The following MYT1L variants were observed in gnomAD, a reference collection of about 807,000 sequenced individuals.
The protein encoded by MYT1L is myelin transcription factor 1-like protein.
In MYT1L, 12 loss-of-function variants were observed where a neutral mutation model predicts 126.7. The observed-to-expected ratio is 0.09, with a 90% CI of 0.06 to 0.15. The LOEUF (loss-of-function observed/expected upper bound fraction) is 0.15, where lower values mean the gene tolerates loss of function less well. MYT1L is among the 10% of genes least tolerant of loss of function. MYT1L has a pLI of 1.00. For missense variants in MYT1L, 979 were observed against 1,585.2 expected (o/e 0.62, Z 6.49); for synonymous variants, 541 against 604.2 (o/e 0.90, Z 1.53).
intron 1 of MYT1L, chr2:2,325,960 T>A (rs188987375): frequency 1.3e-5 from 2 of 152,356 alleles, no homozygotes; most frequent in Admixed American, 1.3e-4. Flanking sequence ...AGAGAAGAAC[T>A]GGGAGCTGCA....
At chr2:1,924,290 G>A (rs2053941488) in intron 9 of MYT1L, among the ~76,000 whole-genome samples, 1 of 152,134 alleles carries the variant, frequency 6.6e-6, no homozygotes, top group Non-Finnish European at 1.5e-5. Context: ...ACCATGCTAG[G>A]TCATTGCTTC....
chr2:2,009,592 G>A (rs2063626673), intron 4 of MYT1L, among the ~76,000 whole-genome samples: 2 of 152,172 alleles, frequency 1.3e-5, no homozygotes, highest in African/African-American at 4.8e-5. Flanking sequence ...TTCTAACAGT[G>A]CTTTTGTGTG....
Position 2,293,435 on chromosome 2 carries a change from C to T in MYT1L, c.-520-8932G>A, listed in dbSNP as rs557615166. On this transcript the variant is annotated intron_variant, in intron 1 of 24. Transcript: ENST00000647738. ...CTGACTGTGCTCCTTGAGGACAGAG[C>T]GCCCTTGGTTAGAGGCAGATCTGCA... Among the ~76,000 whole-genome samples, 8 of 152,268 alleles carry T rather than the reference C, an allele frequency of 5.3e-5. No homozygotes were observed. In the South Asian group the frequency reaches 1.2e-3, roughly 24 times the overall value.
chr2:2,121,687 T>C (rs2081038427), intron 3 of MYT1L, among the ~76,000 whole-genome samples: 1 of 150,792 alleles, frequency 6.6e-6, no homozygotes, highest in Non-Finnish European at 1.5e-5. Context: ...GGGTTTCACC[T>C]TGTTGGTCAG....
chr2:2,320,093 A>C (rs955329225), intron 1 of MYT1L, among the ~76,000 whole-genome samples: 1 of 152,130 alleles, frequency 6.6e-6, no homozygotes, highest in Non-Finnish European at 1.5e-5. Context: ...AAAAATAATT[A>C]ATATATGTGC....
chr2:2,262,874 T>C (rs2095012357), intron 2 of MYT1L, among the ~76,000 whole-genome samples: 1 of 112,816 alleles, frequency 8.9e-6, no homozygotes, highest in Non-Finnish European at 1.8e-5. Context: ...GTGATTTATT[T>C]GGAAAGAATT....
chr2:2,152,192 C>T (rs1030156338), intron 3 of MYT1L, among the ~76,000 whole-genome samples: 13 of 152,216 alleles, frequency 8.5e-5, no homozygotes, highest in African/African-American at 2.9e-4. Flanking sequence ...ACACTGTGAC[C>T]GTTGACCTGA....
chr2:2,317,061 C>T (rs1302323935), intron 1 of MYT1L, among the ~76,000 whole-genome samples: 2 of 152,008 alleles, frequency 1.3e-5, no homozygotes, highest in Non-Finnish European at 1.5e-5. Flanking sequence ...TCGTGATCCG[C>T]CCATCTTGGC....
chr2:2,306,013 C>A (rs1056435876), intron 1 of MYT1L: 4 of 152,142 alleles, frequency 2.6e-5, no homozygotes, highest in Non-Finnish European at 4.4e-5. Flanking sequence ...TGTCAATGAC[C>A]CCTTCATTTT....
chr2:1,875,673 G>C (rs1458642925), intron 18 of MYT1L, among the ~76,000 whole-genome samples: 1 of 152,178 alleles, frequency 6.6e-6, no homozygotes, highest in Non-Finnish European at 1.5e-5. Context: ...GTGGATGTCC[G>C]GGGATCGATG....
chr2:2,267,677 A>G lies in MYT1L; in HGVS notation c.-421+16727T>C, dbSNP rs1008949017. On this transcript the variant is annotated intron_variant, in intron 2 of 24. Transcript: ENST00000647738. Reference sequence around the variant, plus strand: ...AGGTGCAACCAGCTAGCATGAACTCAGATGAAAGAAGAGACCCAGTGTGGT... The same window carrying G: ...AGGTGCAACCAGCTAGCATGAACTCGGATGAAAGAAGAGACCCAGTGTGGT... 3.9e-5 allele frequency among the ~76,000 whole-genome samples: 6 copies of G among 152,314 alleles called. No homozygotes were observed. The East Asian group carries it at 9.7e-4, about 25-fold the overall frequency.
At chr2:2,292,178 CAG>C (rs2095609439) in intron 1 of MYT1L, among the ~76,000 whole-genome samples, 1 of 152,186 alleles carries the variant, frequency 6.6e-6, no homozygotes, top group African/African-American at 2.4e-5. Context: ...AGAATTCCTG[CAG>C]AGTGACTGGG....
intron 8 of MYT1L, among the ~76,000 whole-genome samples, chr2:1,970,801 C>T (rs998023372): frequency 1.7e-4 from 26 of 152,294 alleles, no homozygotes; most frequent in African/African-American, 5.1e-4. Context: ...GTACTGCACG[C>T]AAATTTCTTC....
At chr2:1,945,354 CAGGTGGGG>C (rs1234839720) in intron 8 of MYT1L, among the ~76,000 whole-genome samples, 4 of 152,164 alleles carry the variant, frequency 2.6e-5, no homozygotes, top group Non-Finnish European at 5.9e-5. Context: ...GCGCCATGTT[CAGGTGGGG>C]ACTGGGATGA....
At chr2:1,817,207 G>A (rs994520809) in intron 21 of MYT1L, among the ~76,000 whole-genome samples, 1 of 152,254 alleles carries the variant, frequency 6.6e-6, no homozygotes, top group Non-Finnish European at 1.5e-5. Context: ...TAAAGGAACA[G>A]AACTAAGTTA....
At chr2:2,166,855 A>G (rs1455718625) in intron 3 of MYT1L, among the ~76,000 whole-genome samples, 2 of 152,092 alleles carry the variant, frequency 1.3e-5, no homozygotes. Flanking sequence ...GCAAATACAT[A>G]TGTTTGTGCG....
chr2:2,220,407 C>G lies in MYT1L; in HGVS notation c.-420-47419G>C, dbSNP rs189383465. ...CTGAGTTTGTCTGAAGACCTGGGAT[C>G]AATAGAAGGGAAATGTTCAGGTTAA... On this transcript the variant is annotated intron_variant, in intron 2 of 24. Coordinates refer to ENST00000647738, the MANE Select transcript of MYT1L (RefSeq NM_001303052.2). Among the ~76,000 whole-genome samples, 14 of 152,106 alleles carry G rather than the reference C, an allele frequency of 9.2e-5. No homozygotes were observed. In the East Asian group the frequency reaches 1.2e-3, roughly 13 times the overall value.
At position 2,159,286 on chromosome 2, in the gene MYT1L, T is replaced by C. The variant is rs566962335; in HGVS notation, c.-304+13586A>G. Among the ~76,000 whole-genome samples the C allele has an allele frequency of 4.6e-5, 7 of 152,192 alleles. No individual in the cohort carries two copies. The East Asian group carries it at 1.4e-3, about 30-fold the overall frequency. Reference sequence around the variant, plus strand: ...GGGAATCGCTAACTTGGAAATGGGGTCAAGGGTCCAGTATTCATGGTCTCT... The same window carrying C: ...GGGAATCGCTAACTTGGAAATGGGGCCAAGGGTCCAGTATTCATGGTCTCT... On this transcript the variant is annotated intron_variant, in intron 3 of 24. Coordinates refer to ENST00000647738, the MANE Select transcript of MYT1L (RefSeq NM_001303052.2).
rs570657736 is a variant in MYT1L, at chr2:1,945,639, T to C, written c.153-2305A>G. 2.0e-4 allele frequency among the ~76,000 whole-genome samples: 30 copies of C among 152,322 alleles called. 1 individual carries two copies. The East Asian group carries it at 5.8e-3, about 29-fold the overall frequency. ...AAGTCAGAAAAATGCTAATCTCACA[T>C]GGCTGCATTAAGGATGAAATGAAAA... is the stretch of plus-strand genomic sequence containing the variant. On this transcript the variant is annotated intron_variant, in intron 8 of 24. Coordinates refer to ENST00000647738, the MANE Select transcript of MYT1L (RefSeq NM_001303052.2).
Sources: allele counts gnomAD v4.1 joint callset (sites outside exome capture counted in the v4.1 genomes callset), GRCh38; gene constraint gnomAD v4.1.1; transcripts MANE v1.5; gene names NCBI Gene and HGNC (gene_info 2026-07-23, HGNC 2026-07-21).